RBFOX1: variants seen among roughly 807,000 people sequenced by gnomAD.
RBFOX1 encodes the protein RNA binding fox-1 homolog 1, also known as RNA binding protein fox-1 homolog 1.
RBFOX1 carries 8 observed loss-of-function variants against 57.7 expected under a neutral mutation model. The ratio of observed to expected loss-of-function variants is 0.14; its 90% CI spans 0.08 to 0.25. The LOEUF (loss-of-function observed/expected upper bound fraction) is 0.25, where lower values mean the gene tolerates loss of function less well. Ranked by LOEUF, RBFOX1 falls within the 10% of genes least tolerant of loss-of-function variation. The probability of loss-of-function intolerance (pLI) is 1.00; values close to 1 mark genes in which losing one functional copy is unlikely to be tolerated. For missense variants in RBFOX1, 611 were observed against 548.5 expected (o/e 1.11, Z -1.14); for synonymous variants, 326 against 222.4 (o/e 1.47, Z -4.15).
chr16:6,540,925 G>T (rs529895379), intron 2 of RBFOX1, among the ~76,000 whole-genome samples: 2 of 152,208 alleles, frequency 1.3e-5, no homozygotes, highest in African/African-American at 2.4e-5. Context: ...TGGAGTTGAG[G>T]TCTGGGATTA....
At chr16:5,908,127 T>TATATACAC (rs2058511793) in intron 4 of RBFOX1, among the ~76,000 whole-genome samples, 1 of 143,742 alleles carries the variant, frequency 7.0e-6, no homozygotes, top group Non-Finnish European at 1.5e-5. Context: ...TATACACATA[T>TATATACAC]ATATATACAC....
At chr16:7,526,354 C>T (rs1448922665) in intron 5 of RBFOX1, among the ~76,000 whole-genome samples, 1 of 152,176 alleles carries the variant, frequency 6.6e-6, no homozygotes, top group Non-Finnish European at 1.5e-5. Context: ...CTAGCTTAGA[C>T]AAACAGGTCA....
intron 4 of RBFOX1, among the ~76,000 whole-genome samples, chr16:7,238,352 A>G (rs1402875981): frequency 7.0e-6 from 1 of 142,460 alleles, no homozygotes; most frequent in Non-Finnish European, 1.5e-5. Flanking sequence ...TAAATAAAAT[A>G]AAAATTAAAA....
intron 1 of RBFOX1, among the ~76,000 whole-genome samples, chr16:6,195,353 A>G (rs1035416664): frequency 6.6e-6 from 1 of 152,166 alleles, no homozygotes; most frequent in Non-Finnish European, 1.5e-5. Context: ...TTAAAAGTCA[A>G]TCAGGAGTTT....
At chr16:6,965,316 TGTGTGTGTGTGTGTGTGTG>T (rs1348827569) in intron 3 of RBFOX1, among the ~76,000 whole-genome samples, 1 of 330 alleles carries the variant, frequency 3.0e-3, no homozygotes, top group African/African-American at 0.011. Context: ...TTTCTTTTGT[TGTGTGTGTGTGTGTGTGTG>T]TGTGTGTGTG....
At chr16:6,665,797 C>G (rs577621442) in intron 3 of RBFOX1, among the ~76,000 whole-genome samples, 2 of 152,064 alleles carry the variant, frequency 1.3e-5, no homozygotes, top group East Asian at 1.9e-4. Context: ...ATTATTGAAT[C>G]CTTAGAAAGA....
At chr16:6,071,552 A>G (rs937240596) in intron 1 of RBFOX1, among the ~76,000 whole-genome samples, 12 of 152,230 alleles carry the variant, frequency 7.9e-5, no homozygotes, top group African/African-American at 2.9e-4. Context: ...TTAATGCTTC[A>G]TTTGGTAAAT....
intron 3 of RBFOX1, among the ~76,000 whole-genome samples, chr16:6,656,987 CCT>C (rs2098661188): frequency 7.9e-6 from 1 of 126,794 alleles, no homozygotes; most frequent in Admixed American, 7.9e-5. Flanking sequence ...CCTTTCCTCT[CCT>C]CTCCTCCCCT....
intron 3 of RBFOX1, among the ~76,000 whole-genome samples, chr16:6,660,750 G>T (rs922408726): frequency 7.1e-6 from 1 of 141,386 alleles, no homozygotes; most frequent in Non-Finnish European, 1.6e-5. Flanking sequence ...TGGATTAACT[G>T]TAGCTGCGGT....
intron 3 of RBFOX1, among the ~76,000 whole-genome samples, chr16:6,971,935 T>C (rs1273710992): frequency 6.6e-6 from 1 of 151,986 alleles, no homozygotes; most frequent in African/African-American, 2.4e-5. Flanking sequence ...TGGACCGACT[T>C]GAGATGCGGG....
chr16:6,897,816 C>T (rs1354859022), intron 3 of RBFOX1, among the ~76,000 whole-genome samples: 1 of 152,018 alleles, frequency 6.6e-6, no homozygotes, highest in East Asian at 1.9e-4. Flanking sequence ...AAGGCTAAGT[C>T]CTTAACATGG....
At position 5,644,050 on chromosome 16, in the gene RBFOX1, T is replaced by C. The variant is rs539183606; in HGVS notation, c.318+45089T>C. Among the ~76,000 whole-genome samples the C allele has an allele frequency of 5.3e-5, 8 of 152,340 alleles. No individual in the cohort carries two copies. The South Asian group carries it at 1.0e-3, about 20-fold the overall frequency. ...AGACTGCGTCGTACACAGAGGACTC[T>C]TCGAAGCTAGTAATTTTCATGATGC... is the stretch of plus-strand genomic sequence containing the variant. On this transcript the variant is annotated intron_variant, in intron 3 of 19. Coordinates refer to the RBFOX1 transcript ENST00000641259.
chr16:6,193,777 C>T (rs1025845076), intron 1 of RBFOX1, among the ~76,000 whole-genome samples: 2 of 152,058 alleles, frequency 1.3e-5, no homozygotes, highest in South Asian at 4.2e-4. Flanking sequence ...TTACCCTCCC[C>T]ACTGGGTTTG....
chr16:6,803,257 A>G (rs1052598805), intron 3 of RBFOX1, among the ~76,000 whole-genome samples: 1 of 152,158 alleles, frequency 6.6e-6, no homozygotes, highest in Non-Finnish European at 1.5e-5. Context: ...TTCTGCATGA[A>G]AGTGCAAACT....
chr16:7,182,333 A>G (rs1009222660), intron 4 of RBFOX1, among the ~76,000 whole-genome samples: 1 of 152,168 alleles, frequency 6.6e-6, no homozygotes, highest in African/African-American at 2.4e-5. Context: ...AAAAAGACCA[A>G]AAAGTAAAAA....
Position 5,993,774 on chromosome 16 carries a change from T to C in RBFOX1, c.351+126439T>C, listed in dbSNP as rs143329985. 5.4e-3 allele frequency among the ~76,000 whole-genome samples: 819 copies of C among 152,324 alleles called. 5 individuals carry two copies. The highest frequency in any genetic ancestry group is 0.017 in the Middle Eastern group (5 of 294). The stretch of plus-strand genomic sequence containing the variant: ...CATTTTCCTGAGCAGTGCCGTAAAA[T>C]TGATGGCTTGAATATTGCCGCTCAT... On this transcript the variant is annotated intron_variant, in intron 4 of 19. Transcript: ENST00000641259.
chr16:5,855,119 A>C (rs183934047), intron 3 of RBFOX1, among the ~76,000 whole-genome samples: 37 of 152,222 alleles, frequency 2.4e-4, no homozygotes, highest in Admixed American at 1.9e-3. Flanking sequence ...ATATATTTTG[A>C]ATATTATCCC....
At chr16:6,458,474 C>T (rs1183144671) in intron 2 of RBFOX1, among the ~76,000 whole-genome samples, 2 of 152,148 alleles carry the variant, frequency 1.3e-5, no homozygotes, top group Non-Finnish European at 2.9e-5. Flanking sequence ...GCCATGACAC[C>T]AGAGATATAC....
At chr16:6,628,729 G>GA (rs1359987258) in intron 2 of RBFOX1, among the ~76,000 whole-genome samples, 1 of 152,158 alleles carries the variant, frequency 6.6e-6, no homozygotes, top group Non-Finnish European at 1.5e-5. Context: ...GATGAGGTTT[G>GA]ACAGCTGAGT....
Sources: allele counts gnomAD v4.1 joint callset (sites outside exome capture counted in the v4.1 genomes callset), GRCh38; gene constraint gnomAD v4.1.1; transcripts MANE v1.5; gene names NCBI Gene and HGNC (gene_info 2026-07-23, HGNC 2026-07-21).